IGF2BP3: variants seen among roughly 807,000 people sequenced by gnomAD.
The protein encoded by IGF2BP3 is insulin like growth factor 2 mRNA binding protein 3, also known as insulin-like growth factor 2 mRNA-binding protein 3.
Under a neutral mutation model 73.8 loss-of-function variants are expected in IGF2BP3, and 9 were observed. The ratio of observed to expected loss-of-function variants is 0.12; its 90% confidence interval spans 0.07 to 0.21. The LOEUF is 0.21. IGF2BP3 is among the 10% of genes least tolerant of loss of function. The pLI, the probability that IGF2BP3 is intolerant of heterozygous loss-of-function variation, is 1.00. For missense variants in IGF2BP3, 542 were observed against 714.0 expected (o/e 0.76, Z 2.75); for synonymous variants, 258 against 256.7 (o/e 1.01, Z -0.05).
At chr7:23,346,087 A>C (rs754430310) in intron 7 of IGF2BP3, 25 bp from the exon 8 acceptor site, 6 of 1,594,696 alleles carry the variant, frequency 3.8e-6, no homozygotes, top group Non-Finnish European at 5.1e-6. Flanking sequence ...GTGGCCATAA[A>C]ATTAGAATAA....
At chr7:23,454,851 C>T (rs1453898211) in intron 2 of IGF2BP3, among the ~76,000 whole-genome samples, 2 of 152,146 alleles carry the variant, frequency 1.3e-5, no homozygotes, top group African/African-American at 4.8e-5. Flanking sequence ...TCATATAATA[C>T]CAGGAGCTTT....
chr7:23,456,397 T>C (rs748086909), intron 2 of IGF2BP3, among the ~76,000 whole-genome samples: 1 of 152,204 alleles, frequency 6.6e-6, no homozygotes, highest in Non-Finnish European at 1.5e-5. Context: ...ATCAAATTCC[T>C]CCTCAAAATG....
chr7:23,431,694 A>G (rs577345342), intron 2 of IGF2BP3, among the ~76,000 whole-genome samples: 3 of 152,312 alleles, frequency 2.0e-5, no homozygotes, highest in African/African-American at 7.2e-5. Flanking sequence ...ATGTCCTTCA[A>G]TTATGGTCCG....
At chr7:23,318,887 G>A (rs532215486) in intron 11 of IGF2BP3, among the ~76,000 whole-genome samples, 2 of 152,340 alleles carry the variant, frequency 1.3e-5, no homozygotes, top group South Asian at 4.1e-4. Context: ...TGGCTTGGAA[G>A]GAACTTAGGT....
chr7:23,413,978 G>C (rs1043473855), intron 3 of IGF2BP3: 1 of 151,988 alleles, frequency 6.6e-6, no homozygotes, highest in Non-Finnish European at 1.5e-5. Flanking sequence ...ATGAAACCCC[G>C]TCTCTACTAA....
intron 3 of IGF2BP3, among the ~76,000 whole-genome samples, chr7:23,401,211 G>A (rs562224539): frequency 6.6e-6 from 1 of 152,170 alleles, no homozygotes; most frequent in Non-Finnish European, 1.5e-5. Context: ...TTAAGATTCA[G>A]TCACTGTGGC....
At chr7:23,394,366 C>A (rs1168609105) in intron 3 of IGF2BP3, among the ~76,000 whole-genome samples, 1 of 152,096 alleles carries the variant, frequency 6.6e-6, no homozygotes, top group Admixed American at 6.6e-5. Flanking sequence ...ACTCGGGAAG[C>A]TGAGGTAGCA....
At chr7:23,355,317 T>C (rs1785068124) in intron 5 of IGF2BP3, among the ~76,000 whole-genome samples, 1 of 151,776 alleles carries the variant, frequency 6.6e-6, no homozygotes, top group Non-Finnish European at 1.5e-5. Flanking sequence ...CTCCACCTCC[T>C]TGGTTTGAGC....
At chr7:23,374,108 T>C (rs576409905) in intron 3 of IGF2BP3, among the ~76,000 whole-genome samples, 3 of 152,256 alleles carry the variant, frequency 2.0e-5, no homozygotes, top group Middle Eastern at 3.4e-3. Context: ...GCAACACAAA[T>C]GCACTAACCG....
intron 10 of IGF2BP3, among the ~76,000 whole-genome samples, chr7:23,322,186 G>T (rs4428570): frequency 0.36 from 55,120 of 151,872 alleles, 10,264 homozygotes; most frequent in Middle Eastern, 0.48. Flanking sequence ...AAGTTTAGAA[G>T]AATGTATAAC....
At chr7:23,325,090 G>C (rs1204587681) in intron 10 of IGF2BP3, among the ~76,000 whole-genome samples, 1 of 151,884 alleles carries the variant, frequency 6.6e-6, no homozygotes, top group Non-Finnish European at 1.5e-5. Context: ...GGCAGGAGAA[G>C]GAAATAAAGG....
chr7:23,379,775 T>C (rs978988664), intron 3 of IGF2BP3, among the ~76,000 whole-genome samples: 2 of 152,114 alleles, frequency 1.3e-5, no homozygotes, highest in Non-Finnish European at 2.9e-5. Context: ...GATTCCAGAG[T>C]TGTGTCTGCA....
chr7:23,412,501 C>T (rs189337370), intron 3 of IGF2BP3, among the ~76,000 whole-genome samples: 3 of 152,300 alleles, frequency 2.0e-5, no homozygotes, highest in African/African-American at 7.2e-5. Flanking sequence ...AATCTTTGCT[C>T]GGAAAACAGT....
intron 10 of IGF2BP3, among the ~76,000 whole-genome samples, chr7:23,334,032 AT>A (rs1178940779): frequency 6.6e-6 from 1 of 152,146 alleles, no homozygotes; most frequent in Non-Finnish European, 1.5e-5. Flanking sequence ...TCATTCTTAT[AT>A]GGGATTCAGA....
intron 2 of IGF2BP3, among the ~76,000 whole-genome samples, chr7:23,448,599 C>T (rs1788119982): frequency 6.6e-6 from 1 of 151,042 alleles, no homozygotes; most frequent in African/African-American, 2.4e-5. Context: ...ATGAGGGTCT[C>T]ACTATGTTGC....
chr7:23,334,381 A>G (rs1435706423), intron 10 of IGF2BP3, among the ~76,000 whole-genome samples: 1 of 152,176 alleles, frequency 6.6e-6, no homozygotes, highest in Non-Finnish European at 1.5e-5. Flanking sequence ...ATGCTAGAAC[A>G]AGCCTGTGTC....
In IGF2BP3 at chr7:23,469,065, G is replaced by A. The variant is rs1788640075; in HGVS notation, c.176-523C>T. 6.6e-6 allele frequency among the ~76,000 whole-genome samples: 1 copy of A among 152,230 alleles called. No individual in the cohort carries two copies. Among genetic ancestry groups the A allele is most frequent in the African/African-American group, 2.4e-5 (1 of 41,464 alleles). ...GAACGGGAGAACTGGCAGAGGCGCA[G>A]CTCGGCACAGGCTGAACCAGGCGCG... On this transcript the variant is annotated intron_variant, in intron 1 of 14. Coordinates refer to ENST00000258729, the MANE Select transcript of IGF2BP3 (RefSeq NM_006547.3). This position sits in a 1 kb window ranked among gnomAD's most constrained non-coding sequence, Gnocchi z 6.1.
intron 10 of IGF2BP3, among the ~76,000 whole-genome samples, chr7:23,332,324 G>C (rs971532805): frequency 6.6e-6 from 1 of 152,054 alleles, no homozygotes; most frequent in Non-Finnish European, 1.5e-5. Context: ...TGTTTCTTCA[G>C]CACCTGTATA....
intron 2 of IGF2BP3, among the ~76,000 whole-genome samples, chr7:23,422,174 G>C (rs1162655227): frequency 6.6e-6 from 1 of 152,072 alleles, no homozygotes; most frequent in African/African-American, 2.4e-5. Flanking sequence ...ATTTTGGAGG[G>C]TGTATATATT....
Sources: gnomAD v4.1 joint callset for allele counts (sites outside exome capture counted in the v4.1 genomes callset) on GRCh38, gnomAD v4.1.1 for gene constraint, Gnocchi (gnomAD v3.1) non-coding constraint, MANE v1.5 for transcripts, NCBI Gene and HGNC (gene_info 2026-07-23, HGNC 2026-07-21) for gene names.